RANBP17: variants seen among roughly 807,000 people sequenced by gnomAD.
RANBP17 encodes the protein RAN binding protein 17.
In RANBP17, 158 loss-of-function variants were observed where a neutral mutation model predicts 141.2. The ratio of observed to expected loss-of-function variants is 1.12; its 90% CI spans 0.98 to 1.28. The LOEUF is 1.28. RANBP17 is among the 50% of genes most tolerant of loss of function. RANBP17 has a pLI of 0.00. For synonymous variants in RANBP17, 430 were observed against 450.0 expected, an observed-to-expected ratio of 0.96 and a Z score of 0.56; for missense variants, 1,438 against 1,290.7, an observed-to-expected ratio of 1.11 and a Z score of -1.75.
rs567969407 is a variant in RANBP17 at position 170,902,109 on chromosome 5, AGT to A, written c.489+5999_489+6000del. 1.6e-3 allele frequency among the ~76,000 whole-genome samples: 240 copies of A among 152,256 alleles called. 1 individual carries two copies. The highest frequency in any genetic ancestry group is 2.6e-3 in the Non-Finnish European group (179 of 68,024). On this transcript the variant is annotated intron_variant, in intron 5 of 27. Transcript: ENST00000523189. The stretch of plus-strand genomic sequence containing the variant: ...GAAGTTCTCCTGGATAATATCCTGA[AGT>A]GTGTTTTCCAACTTGGTTCCATTCT...
chr5:170,957,155 A>G (rs1394987856), intron 13 of RANBP17, among the ~76,000 whole-genome samples: 1 of 152,070 alleles, frequency 6.6e-6, no homozygotes, highest in Non-Finnish European at 1.5e-5. Flanking sequence ...TAGGAAATAA[A>G]GTAGGTATAT....
At chr5:171,021,174 C>T (rs777340894) in intron 14 of RANBP17, among the ~76,000 whole-genome samples, 4 of 152,170 alleles carry the variant, frequency 2.6e-5, no homozygotes, top group East Asian at 1.9e-4. Context: ...TTGTAAGTAA[C>T]GTGACCTTTC....
At chr5:171,018,588 A>T (rs1265989855) in intron 14 of RANBP17, among the ~76,000 whole-genome samples, 2 of 152,126 alleles carry the variant, frequency 1.3e-5, no homozygotes, top group African/African-American at 4.8e-5. Flanking sequence ...AATGCCTGTG[A>T]TTTTTGCACA....
chr5:171,057,653 A>C (rs1326108556), intron 14 of RANBP17, among the ~76,000 whole-genome samples: 2 of 96,710 alleles, frequency 2.1e-5, no homozygotes, highest in South Asian at 8.5e-4. Flanking sequence ...AAGACTTGAT[A>C]ATTTATAAAG....
chr5:171,112,243 G>A (rs1755289740), intron 14 of RANBP17, among the ~76,000 whole-genome samples: 1 of 152,098 alleles, frequency 6.6e-6, no homozygotes, highest in South Asian at 2.1e-4. Flanking sequence ...TGTGGGCATA[G>A]AGTTAATACT....
intron 14 of RANBP17, chr5:171,161,293 A>G: frequency 5.6e-6 from 1 of 177,552 alleles, no homozygotes; most frequent in Non-Finnish European, 1.2e-5. Flanking sequence ...AGAATATCAT[A>G]AGTAACAACC....
intron 14 of RANBP17, among the ~76,000 whole-genome samples, chr5:171,013,282 C>G (rs1780193521): frequency 6.6e-6 from 1 of 152,154 alleles, no homozygotes; most frequent in Non-Finnish European, 1.5e-5. Context: ...CAGACTGAAG[C>G]AGAGCTCTCA....
intron 5 of RANBP17, among the ~76,000 whole-genome samples, chr5:170,908,917 A>T (rs1455385198): frequency 6.6e-6 from 1 of 151,944 alleles, no homozygotes; most frequent in Non-Finnish European, 1.5e-5. Context: ...TAGCAATAAG[A>T]ATAAATAGTA....
chr5:171,272,737 T>C (rs1199025107), intron 25 of RANBP17, among the ~76,000 whole-genome samples: 2 of 152,134 alleles, frequency 1.3e-5, no homozygotes, highest in African/African-American at 4.8e-5. Flanking sequence ...ATCCTTAAGG[T>C]AGAATGGTTT....
rs769237384 is a variant in RANBP17 at position 170,991,009 on chromosome 5, CTTTT to C, written c.1710+22633_1710+22636del. ...ACTAATTATGCCTTAATTAGCTTTT[CTTTT>C]AATGTACTGAAATTTGTTACTTTTT... On this transcript the variant is annotated intron_variant, in intron 14 of 27. Transcript: ENST00000523189. 7.8e-4 allele frequency among the ~76,000 whole-genome samples: 118 copies of C among 151,964 alleles called. 1 individual carries two copies. The highest frequency in any genetic ancestry group is 1.1e-3 in the Non-Finnish European group (78 of 67,856).
intron 14 of RANBP17, among the ~76,000 whole-genome samples, chr5:171,165,347 A>G (rs1272290144): frequency 2.6e-5 from 4 of 151,904 alleles, no homozygotes; most frequent in Non-Finnish European, 1.5e-5. Context: ...ACGCTCGGCT[A>G]ATTTTTTGTA....
At chr5:170,957,072 AACACACACACACAC>A (rs58034888) in intron 13 of RANBP17, among the ~76,000 whole-genome samples, 6 of 142,902 alleles carry the variant, frequency 4.2e-5, no homozygotes, top group African/African-American at 1.6e-4. Context: ...TCTGTCTCAA[AACACACACACACAC>A]ACACACACAC....
chr5:171,279,386 G>T (rs1271673833), intron 25 of RANBP17, among the ~76,000 whole-genome samples: 1 of 152,178 alleles, frequency 6.6e-6, no homozygotes, highest in East Asian at 1.9e-4. Flanking sequence ...AACGTCAAGG[G>T]TCTGCATCTG....
chr5:171,080,405 A>T (rs760356401), intron 14 of RANBP17, among the ~76,000 whole-genome samples: 1 of 152,174 alleles, frequency 6.6e-6, no homozygotes, highest in Admixed American at 6.5e-5. Context: ...CCTATATTCT[A>T]TAATAGTCAG....
intron 14 of RANBP17, among the ~76,000 whole-genome samples, chr5:171,106,800 G>A (rs1196725014): frequency 1.3e-5 from 2 of 151,986 alleles, no homozygotes; most frequent in Non-Finnish European, 1.5e-5. Flanking sequence ...ATGTTTGGGG[G>A]TGGGGAAATA....
intron 14 of RANBP17, among the ~76,000 whole-genome samples, chr5:171,137,323 A>G (rs185888263): frequency 6.6e-6 from 1 of 152,326 alleles, no homozygotes; most frequent in African/African-American, 2.4e-5. Context: ...AGCAGTTTGC[A>G]TAATAGACAT....
chr5:170,996,205 C>T (rs542602910), intron 14 of RANBP17, among the ~76,000 whole-genome samples: 1 of 152,206 alleles, frequency 6.6e-6, no homozygotes, highest in East Asian at 1.9e-4. Context: ...GCTTGAGGGA[C>T]CCTCTCCTTC....
At chr5:171,075,241 A>G (rs1053341204) in intron 14 of RANBP17, among the ~76,000 whole-genome samples, 1 of 152,200 alleles carries the variant, frequency 6.6e-6, no homozygotes, top group Non-Finnish European at 1.5e-5. Flanking sequence ...TTCCTGCAAT[A>G]TAATAGGAAA....
chr5:171,199,844 T>A (rs1207119272), intron 19 of RANBP17, 71 bp downstream of exon 19: 2 of 878,836 alleles, frequency 2.3e-6, no homozygotes, highest in Non-Finnish European at 3.7e-6. Flanking sequence ...AGAAAAGGGC[T>A]TTGCATATCT....
Sources: allele counts gnomAD v4.1 joint callset (sites outside exome capture counted in the v4.1 genomes callset), GRCh38; gene constraint gnomAD v4.1.1; transcripts MANE v1.5; gene names NCBI Gene and HGNC (gene_info 2026-07-23, HGNC 2026-07-21).